The following DACH1 variants were observed in gnomAD, a reference collection of about 807,000 sequenced individuals.
DACH1 encodes the protein dachshund family transcription factor 1.
Under a neutral mutation model 54.2 loss-of-function variants are expected in DACH1, and 12 were observed. The ratio of observed to expected loss-of-function variants is 0.22; its 90% confidence interval spans 0.14 to 0.36. The LOEUF (loss-of-function observed/expected upper bound fraction) is 0.36, where lower values mean the gene tolerates loss of function less well. DACH1 is among the 10% of genes least tolerant of loss of function. DACH1 has a pLI of 1.00. For missense variants in DACH1, 805 were observed against 929.8 expected (o/e 0.87, Z 1.75); for synonymous variants, 386 against 366.2 (o/e 1.05, Z -0.62).
chr13:71,547,455 T>C (rs916877879), intron 6 of DACH1, among the ~76,000 whole-genome samples: 9 of 152,154 alleles, frequency 5.9e-5, no homozygotes, highest in African/African-American at 2.2e-4. Context: ...AAAACAATTG[T>C]ACTTGTTTAA....
rs143337173 is a variant in DACH1 at position 71,765,871 on chromosome 13, C to A, written c.849-83961G>T. On this transcript the variant is annotated intron_variant, in intron 1 of 10. Coordinates refer to ENST00000613252, the MANE Select transcript of DACH1 (RefSeq NM_080759.6). The stretch of plus-strand genomic sequence containing the variant: ...AATGCTGTTGCTCAAAAGGATTATT[C>A]TTCTTCTTCTTCATTTTTTTTTTTT... Among the ~76,000 whole-genome samples, 19 of 144,536 alleles carry A rather than the reference C, an allele frequency of 1.3e-4. No individual in the cohort carries two copies. The East Asian group carries it at 3.1e-3, about 24-fold the overall frequency. The allele number at this position is 144,536 out of a possible 152,430, so 94.8% of individuals were successfully genotyped here.
intron 1 of DACH1, among the ~76,000 whole-genome samples, chr13:71,831,155 C>T (rs1888573625): frequency 6.6e-6 from 1 of 151,838 alleles, no homozygotes; most frequent in African/African-American, 2.4e-5. Context: ...GAGGCATGTG[C>T]TATTTTAAAA....
At chr13:71,579,722 T>C (rs1346122811) in intron 3 of DACH1, among the ~76,000 whole-genome samples, 1 of 152,106 alleles carries the variant, frequency 6.6e-6, no homozygotes, top group Non-Finnish European at 1.5e-5. Context: ...TCAGAAAGTT[T>C]TGATGCAACT....
At chr13:71,758,734 A>G (rs1337418250) in intron 1 of DACH1, among the ~76,000 whole-genome samples, 1 of 152,204 alleles carries the variant, frequency 6.6e-6, no homozygotes, top group East Asian at 1.9e-4. Flanking sequence ...AAATAAATGA[A>G]AACAAGTACA....
chr13:71,736,820 G>T (rs902616057), intron 1 of DACH1, among the ~76,000 whole-genome samples: 10 of 152,170 alleles, frequency 6.6e-5, no homozygotes, highest in Non-Finnish European at 1.0e-4. Context: ...AATCTATAAT[G>T]TATTAAATAC....
At position 71,800,329 on chromosome 13, in the gene DACH1, T is replaced by G. The variant is rs919611408; in HGVS notation, c.848+65593A>C. On this transcript the variant is annotated intron_variant, in intron 1 of 10. Transcript: ENST00000613252. ...CTGAGAAATCTAATAGCCGGAGCACTAAAAAGAATAAAATAAACACAATTT... is the reference window on the plus strand; with the variant it reads ...CTGAGAAATCTAATAGCCGGAGCACGAAAAAGAATAAAATAAACACAATTT... 1.4e-4 allele frequency among the ~76,000 whole-genome samples: 22 copies of G among 152,118 alleles called. 1 individual carries two copies. The South Asian group carries it at 1.9e-3, about 13-fold the overall frequency.
chr13:71,583,017 A>G (rs1477722753), intron 3 of DACH1, among the ~76,000 whole-genome samples: 1 of 152,220 alleles, frequency 6.6e-6, no homozygotes, highest in Non-Finnish European at 1.5e-5. Context: ...TTAGAATAAG[A>G]AAGAGGGTTA....
At chr13:71,760,650 A>T (rs1323709497) in intron 1 of DACH1, among the ~76,000 whole-genome samples, 1 of 152,226 alleles carries the variant, frequency 6.6e-6, no homozygotes, top group African/African-American at 2.4e-5. Flanking sequence ...TAATAATGAA[A>T]AAATAGATAC....
intron 1 of DACH1, among the ~76,000 whole-genome samples, chr13:71,766,038 C>T (rs989126974): frequency 5.9e-5 from 9 of 152,094 alleles, no homozygotes; most frequent in Admixed American, 3.9e-4. Context: ...AGGCGCCCGC[C>T]ACCACGTCCA....
At chr13:71,605,643 C>G (rs1377000432) in intron 3 of DACH1, among the ~76,000 whole-genome samples, 2 of 151,770 alleles carry the variant, frequency 1.3e-5, no homozygotes, top group African/African-American at 4.8e-5. Flanking sequence ...AACATTGGCT[C>G]ACAGCAATTC....
At chr13:71,752,054 T>C (rs1884950399) in intron 1 of DACH1, among the ~76,000 whole-genome samples, 1 of 152,148 alleles carries the variant, frequency 6.6e-6, no homozygotes, top group African/African-American at 2.4e-5. Flanking sequence ...AATGAAAGAA[T>C]AGAAAAGTCA....
intron 3 of DACH1, among the ~76,000 whole-genome samples, chr13:71,590,875 CTTTTTT>C (rs71123234): frequency 1.2e-5 from 1 of 85,142 alleles, no homozygotes; most frequent in Non-Finnish European, 2.2e-5. Flanking sequence ...CTCTCTCTTT[CTTTTTT>C]TTTTTTTTTT....
At chr13:71,500,505 A>G (rs1310994406) in intron 6 of DACH1, among the ~76,000 whole-genome samples, 1 of 152,196 alleles carries the variant, frequency 6.6e-6, no homozygotes, top group Admixed American at 6.5e-5. Flanking sequence ...TCAAAGTCTA[A>G]TTTGCACGTA....
chr13:71,715,331 A>G (rs369457094), intron 1 of DACH1, among the ~76,000 whole-genome samples: 1 of 152,110 alleles, frequency 6.6e-6, no homozygotes, highest in South Asian at 2.1e-4. Context: ...AAGAAGTGCT[A>G]TAGCCAATAA....
intron 1 of DACH1, among the ~76,000 whole-genome samples, chr13:71,845,738 C>G (rs916799821): frequency 7.2e-5 from 11 of 152,144 alleles, no homozygotes; most frequent in Non-Finnish European, 1.5e-4. Context: ...AGACCATAAT[C>G]CAGTATCCTT....
intron 10 of DACH1, among the ~76,000 whole-genome samples, chr13:71,462,035 C>T (rs1876120997): frequency 6.6e-6 from 1 of 151,906 alleles, no homozygotes; most frequent in African/African-American, 2.4e-5. Flanking sequence ...CCATCCAGCA[C>T]TCTTTCTCCC....
chr13:71,784,763 C>A (rs1447741539), intron 1 of DACH1, among the ~76,000 whole-genome samples: 1 of 152,024 alleles, frequency 6.6e-6, no homozygotes, highest in Admixed American at 6.6e-5. Flanking sequence ...TTTTCTGATC[C>A]ATTTCTTGAC....
chr13:71,580,454 T>C (rs991761536), intron 3 of DACH1, among the ~76,000 whole-genome samples: 5 of 152,212 alleles, frequency 3.3e-5, no homozygotes, highest in Non-Finnish European at 5.9e-5. Context: ...TGTCAAAGTA[T>C]ATATTATTAA....
chr13:71,744,141 A>T lies in DACH1; in HGVS notation c.849-62231T>A, dbSNP rs539568413. Among the ~76,000 whole-genome samples the T allele has an allele frequency of 7.2e-5, 11 of 152,312 alleles. No homozygotes were observed. In the East Asian group the frequency reaches 1.9e-3, roughly 27 times the overall value. On this transcript the variant is annotated intron_variant, in intron 1 of 10. Transcript: ENST00000613252. ...TGCAGTTACAGATACCTCCCTAAATAGTAGAAAAAGCAACAAAGAAAGGTT... is the reference window on the plus strand; with the variant it reads ...TGCAGTTACAGATACCTCCCTAAATTGTAGAAAAAGCAACAAAGAAAGGTT...
Sources: allele counts gnomAD v4.1 joint callset (sites outside exome capture counted in the v4.1 genomes callset), GRCh38; gene constraint gnomAD v4.1.1; transcripts MANE v1.5; gene names NCBI Gene and HGNC (gene_info 2026-07-23, HGNC 2026-07-21).